The following BRINP1 variants were observed in gnomAD, a reference collection of about 807,000 sequenced individuals.
The protein encoded by BRINP1 is BMP/retinoic acid-inducible neural-specific protein 1.
In BRINP1, 17 loss-of-function variants were observed where a neutral mutation model predicts 72.9. The observed-to-expected ratio is 0.23, with a 90% confidence interval of 0.16 to 0.35. The LOEUF is 0.35. Ranked by LOEUF, BRINP1 falls within the 10% of genes least tolerant of loss-of-function variation. The pLI, the probability that BRINP1 is intolerant of heterozygous loss-of-function variation, is 1.00. For synonymous variants in BRINP1, 418 were observed against 378.5 expected (o/e 1.10, Z -1.21); for missense variants, 850 against 1,001.6 (o/e 0.85, Z 2.04).
In BRINP1 at chr9:119,357,816, G is replaced by A. The variant is rs149035540; in HGVS notation, c.-51+11240C>T. ...GACAGACTTCATTGCATGAAGATTT[G>A]CAATGACTAACCTATCCCAAGACAA... On this transcript the variant is annotated intron_variant, in intron 1 of 7. Coordinates refer to ENST00000265922, the MANE Select transcript of BRINP1 (RefSeq NM_014618.3). Among the ~76,000 whole-genome samples, 73 of 152,276 alleles carry A rather than the reference G, an allele frequency of 4.8e-4. 1 individual carries two copies. The Middle Eastern group carries it at 0.017, about 35-fold the overall frequency.
At position 119,208,889 on chromosome 9, in the gene BRINP1, G is replaced by C; in HGVS notation, c.975C>G (p.Ile325Met). 1 of 1,614,168 alleles carries C rather than the reference G, an allele frequency of 6.2e-7. No homozygotes were observed. Among genetic ancestry groups the C allele is most frequent in the African/African-American group, 1.3e-5 (1 of 75,046 alleles). ...KRLPSNHFLT[I>M]GSIHQHWGND... Reference sequence around the variant, plus strand: ...TGCCCCAGTGCTGATGGATGCTTCCGATGGTCAGGAAGTGGTTGCTGGGGA... The same window carrying C: ...TGCCCCAGTGCTGATGGATGCTTCCCATGGTCAGGAAGTGGTTGCTGGGGA... Residue 325 changes from isoleucine to methionine, a missense_variant, in exon 7 of 8, where the codon ATC becomes ATG. By Grantham distance (10) the Ile-to-Met change is conservative (BLOSUM62 1). Transcript: ENST00000265922.
chr9:119,324,579 C>T (rs1831219320), intron 1 of BRINP1, among the ~76,000 whole-genome samples: 2 of 152,170 alleles, frequency 1.3e-5, no homozygotes, highest in Admixed American at 1.3e-4. Context: ...TCAGGTTTAT[C>T]AAGAATTGGA....
chr9:119,311,777 T>C (rs1240107951), intron 2 of BRINP1, among the ~76,000 whole-genome samples: 1 of 152,144 alleles, frequency 6.6e-6, no homozygotes. Context: ...CAAATGATTG[T>C]AACGAAAAAT....
chr9:119,331,787 G>A (rs185697144), intron 1 of BRINP1, among the ~76,000 whole-genome samples: 5 of 152,284 alleles, frequency 3.3e-5, no homozygotes, highest in Non-Finnish European at 5.9e-5. Context: ...GAGGTTTCAC[G>A]AAGAATATTC....
chr9:119,324,822 G>A (rs1281083758), intron 1 of BRINP1, among the ~76,000 whole-genome samples: 2 of 152,088 alleles, frequency 1.3e-5, no homozygotes, highest in East Asian at 1.9e-4. Context: ...TGGAATGGCC[G>A]GGCACAGTGG....
At chr9:119,338,024 A>T (rs1413077442) in intron 1 of BRINP1, among the ~76,000 whole-genome samples, 3 of 152,136 alleles carry the variant, frequency 2.0e-5, no homozygotes, top group Non-Finnish European at 2.9e-5. Flanking sequence ...CTCTTCTCTG[A>T]GACTCAATTT....
chr9:119,307,586 CAAG>C (rs1429477875), intron 2 of BRINP1, among the ~76,000 whole-genome samples: 3 of 152,144 alleles, frequency 2.0e-5, no homozygotes, highest in African/African-American at 7.2e-5. Context: ...AAAAGCTTAA[CAAG>C]AAGATTGCCT....
intron 7 of BRINP1, among the ~76,000 whole-genome samples, chr9:119,177,895 G>T (rs1829507407): frequency 6.6e-6 from 1 of 152,116 alleles, no homozygotes; most frequent in South Asian, 2.1e-4. Flanking sequence ...TATCAAAGAA[G>T]GCATTAATGA....
At chr9:119,247,142 A>T (rs1333080203) in intron 3 of BRINP1, among the ~76,000 whole-genome samples, 1 of 152,202 alleles carries the variant, frequency 6.6e-6, no homozygotes, top group Non-Finnish European at 1.5e-5. Flanking sequence ...AGTGAAATGG[A>T]GGGGGTGATG....
intron 2 of BRINP1, among the ~76,000 whole-genome samples, chr9:119,310,366 A>C (rs2118992057): frequency 6.6e-6 from 1 of 152,314 alleles, no homozygotes; most frequent in South Asian, 2.1e-4. Context: ...TGCCCTCAAA[A>C]GACTGCATGT....
chr9:119,206,419 C>CAAAAAA (rs56106482), intron 7 of BRINP1, among the ~76,000 whole-genome samples: 10 of 87,148 alleles, frequency 1.1e-4, no homozygotes, highest in African/African-American at 2.2e-4. Flanking sequence ...GACTCCATCT[C>CAAAAAA]AAAAAAAAAA....
At chr9:119,181,818 T>G (rs1173248536) in intron 7 of BRINP1, among the ~76,000 whole-genome samples, 1 of 152,200 alleles carries the variant, frequency 6.6e-6, no homozygotes, top group African/African-American at 2.4e-5. Context: ...TATTGAGTCA[T>G]AGCTCTGCTA....
At chr9:119,281,238 G>A (rs977460435) in intron 2 of BRINP1, among the ~76,000 whole-genome samples, 4 of 152,140 alleles carry the variant, frequency 2.6e-5, no homozygotes. Context: ...TCTGAATATG[G>A]GATATTTTAT....
rs768831552 is a variant in BRINP1, at chr9:119,168,049, G to A, written c.1321C>T (p.Leu441=). The A allele has an allele frequency of 1.3e-5, 21 of 1,611,378 alleles. No individual in the cohort carries two copies. The highest frequency in any genetic ancestry group is 2.7e-5 in the African/African-American group (2 of 74,896). The change falls in exon 8 of 8, where the codon CTG becomes TTG. Residue 441 remains leucine, a synonymous_variant. Coordinates refer to ENST00000265922, the MANE Select transcript of BRINP1 (RefSeq NM_014618.3). The stretch of plus-strand genomic sequence containing the variant: ...GAGCCGCAGAGGGAGATGTTGGCCA[G>A]GCTGCACATGGCGCAGCTGTTGTTC... The part of the protein sequence containing the change: ...GGNNSCAMCS[L]ANISLCGSCN...
chr9:119,217,928 A>G (rs1829996519), intron 5 of BRINP1, among the ~76,000 whole-genome samples: 2 of 151,892 alleles, frequency 1.3e-5, no homozygotes, highest in African/African-American at 4.8e-5. Context: ...TGTGCACCGA[A>G]TATTCTCTCC....
chr9:119,282,167 CTAAG>C, intron 2 of BRINP1, among the ~76,000 whole-genome samples: 1 of 152,200 alleles, frequency 6.6e-6, no homozygotes, highest in South Asian at 2.1e-4. Context: ...TTCACCCTAC[CTAAG>C]TGATTCTTGT....
Position 119,208,750 on chromosome 9 carries a change from G to C in BRINP1, c.1114C>G (p.His372Asp), listed in dbSNP as rs374801095. ...KLFGLSVRCRHNPNHQLPRER... is the reference protein window; with the variant it reads ...KLFGLSVRCRDNPNHQLPRER... Reference sequence around the variant, plus strand: ...CTAGGCAGCTGGTGGTTGGGATTGTGGCGACAGCGTACACTGAGGCCGAAA... The same window carrying C: ...CTAGGCAGCTGGTGGTTGGGATTGTCGCGACAGCGTACACTGAGGCCGAAA... The change falls in exon 7 of 8, where the codon CAC becomes GAC. Residue 372 changes from histidine (H) to aspartate (D), a missense_variant. Transcript: ENST00000265922. 1 of 1,613,326 alleles carries C rather than the reference G, an allele frequency of 6.2e-7. No homozygotes were observed. The highest frequency in any genetic ancestry group is 8.5e-7 in the Non-Finnish European group (1 of 1,180,036).
At chr9:119,240,987 G>A (rs1435893141) in intron 4 of BRINP1, among the ~76,000 whole-genome samples, 1 of 152,190 alleles carries the variant, frequency 6.6e-6, no homozygotes, top group Non-Finnish European at 1.5e-5. Flanking sequence ...ACCCTCAGAA[G>A]AGCAAACATT....
chr9:119,351,812 T>C (rs1003221881), intron 1 of BRINP1, among the ~76,000 whole-genome samples: 1 of 123,138 alleles, frequency 8.1e-6, no homozygotes, highest in African/African-American at 2.9e-5. Context: ...CTCTTTTTAT[T>C]TTTTTATTTT....
Sources: gnomAD v4.1 joint callset for allele counts (sites outside exome capture counted in the v4.1 genomes callset) on GRCh38, gnomAD v4.1.1 for gene constraint, MANE v1.5 for transcripts, NCBI Gene and HGNC (gene_info 2026-07-23, HGNC 2026-07-21) for gene names.